TSPEAR: variants seen among roughly 807,000 people sequenced by gnomAD.
The protein encoded by TSPEAR is thrombospondin-type laminin G domain and EAR repeat-containing protein.
TSPEAR carries 69 observed loss-of-function variants against 71.6 expected under a neutral mutation model. The ratio of observed to expected loss-of-function variants is 0.96; its 90% CI spans 0.79 to 1.18. The LOEUF is 1.18. Among genes scored for constraint, TSPEAR ranks in the 50% most tolerant of loss-of-function variants. TSPEAR has a pLI of 0.00. For missense variants in TSPEAR, 971 were observed against 894.9 expected, an observed-to-expected ratio of 1.09 and a Z score of -1.09; for synonymous variants, 402 against 387.2, an observed-to-expected ratio of 1.04 and a Z score of -0.45.
In TSPEAR at chr21:44,567,986, G is replaced by A. The variant is rs1237164123; in HGVS notation, c.102C>T (p.Ile34=). ...EPCTDLRPLD[I]LAEVVPSDGA... The stretch of plus-strand genomic sequence containing the variant: ...CATCAGAAGGGACCACTTCCGCCAG[G>A]ATGTCCAGGGGGCGCAGGTCTGTGG... The change falls in exon 2 of 12, where the codon ATC becomes ATT. Residue 34 remains isoleucine (I), a synonymous_variant. Transcript: ENST00000323084. 3.2e-6 allele frequency: 5 copies of A among 1,547,432 alleles called. No homozygotes were observed. Among genetic ancestry groups the A allele is most frequent in the Non-Finnish European group, 4.4e-6 (5 of 1,141,982 alleles).
At position 44,642,614 on chromosome 21, in the gene TSPEAR, C is replaced by T. The variant is rs587725810; in HGVS notation, c.82+68819G>A. 5.8e-4 allele frequency among the ~76,000 whole-genome samples: 88 copies of T among 152,216 alleles called. 1 individual carries two copies. The highest frequency in any genetic ancestry group is 1.9e-3 in the African/African-American group (80 of 41,526). ...ATCCCAGCACTTTGAGAGGCCGAGGCAGGCAGATCACGAGGTCAGGAGATC... is the reference window on the plus strand; with the variant it reads ...ATCCCAGCACTTTGAGAGGCCGAGGTAGGCAGATCACGAGGTCAGGAGATC... On this transcript the variant is annotated intron_variant, in intron 1 of 11. Coordinates refer to ENST00000323084, the MANE Select transcript of TSPEAR (RefSeq NM_144991.3). This position sits in a 1 kb window ranked among gnomAD's most constrained non-coding sequence, Gnocchi z 4.1.
rs1555911703 is a variant in TSPEAR, at chr21:44,504,897, G to A, written c.1755-16C>T. 6.3e-7 allele frequency: 1 copy of A among 1,593,796 alleles called. No homozygotes were observed. On this transcript the variant is annotated splice_polypyrimidine_tract_variant and intron_variant, in intron 10 of 11. Transcript: ENST00000323084. Reference sequence around the variant, plus strand: ...GTCCAGAGCACTGCAGGAACAAGTGGGTGGATATTAGGACACAACAGACAT... The same window carrying A: ...GTCCAGAGCACTGCAGGAACAAGTGAGTGGATATTAGGACACAACAGACAT...
chr21:44,545,748 G>A (rs1555917691), intron 2 of TSPEAR, among the ~76,000 whole-genome samples: 1 of 152,044 alleles, frequency 6.6e-6, no homozygotes, highest in East Asian at 1.9e-4. Flanking sequence ...CTTATGAGAT[G>A]CAGTGAAAGC....
intron 2 of TSPEAR, among the ~76,000 whole-genome samples, chr21:44,537,208 T>C (rs2053103856): frequency 6.6e-6 from 1 of 151,764 alleles, no homozygotes; most frequent in South Asian, 2.1e-4. Context: ...CCAACGTTTT[T>C]AGAAAATAAG....
chr21:44,589,177 A>G (rs170851), intron 1 of TSPEAR, among the ~76,000 whole-genome samples: 126,994 of 152,204 alleles, frequency 0.83, 53,218 homozygotes, highest in Non-Finnish European at 0.87. Context: ...TAAAAAATAA[A>G]AAACCAAAAT....
chr21:44,536,541 G>C (rs1292235181), intron 2 of TSPEAR, among the ~76,000 whole-genome samples: 2 of 152,150 alleles, frequency 1.3e-5, no homozygotes, highest in Non-Finnish European at 2.9e-5. Flanking sequence ...AGAAAGACTT[G>C]GTTTAAAAAT....
At chr21:44,649,786 C>T (rs74730663) in intron 1 of TSPEAR, among the ~76,000 whole-genome samples, 1,595 of 152,314 alleles carry the variant, frequency 0.01, 20 homozygotes, top group Middle Eastern at 0.041. Context: ...TGAAGAGGCC[C>T]AGCCACGCGG....
intron 5 of TSPEAR, 51 bp downstream of exon 5, chr21:44,529,744 GCCA>G: frequency 6.2e-7 from 1 of 1,601,700 alleles, no homozygotes; most frequent in South Asian, 1.1e-5. Flanking sequence ...CTGGTGTGAG[GCCA>G]GGGCTCTCGC....
In TSPEAR at chr21:44,531,094, T is replaced by C. The variant is rs781985435; in HGVS notation, c.582A>G (p.Lys194=). Residue 194 remains lysine, a synonymous_variant, in exon 4 of 12, where the codon AAA becomes AAG. Coordinates refer to ENST00000323084, the MANE Select transcript of TSPEAR (RefSeq NM_144991.3). ...GGCTGCCGACGAAGAATCGAGCTCCTTTCACTGACAGGGTGGCTGGGAAGG... is the reference window on the plus strand; with the variant it reads ...GGCTGCCGACGAAGAATCGAGCTCCCTTCACTGACAGGGTGGCTGGGAAGG... The part of the protein sequence containing the change: ...DVPFPATLSV[K]GARFFVGSRR... 2 of 1,613,810 alleles carry C rather than the reference T, an allele frequency of 1.2e-6. No homozygotes were observed. Among genetic ancestry groups the C allele is most frequent in the African/African-American group, 1.3e-5 (1 of 75,038 alleles).
Position 44,612,084 on chromosome 21 carries a change from C to T in TSPEAR, c.83-44079G>A. The T allele has an allele frequency of 1.2e-6, 2 of 1,607,796 alleles. No individual in the cohort carries two copies. Among genetic ancestry groups the T allele is most frequent in the Non-Finnish European group, 1.7e-6 (2 of 1,175,738 alleles). ...CACCTCACACCAGCACTCACACCAC[C>T]CAGTCCAGCACCCACCATGGCTGAC... is the stretch of plus-strand genomic sequence containing the variant. On this transcript the variant is annotated intron_variant, in intron 1 of 11. Coordinates refer to ENST00000323084, the MANE Select transcript of TSPEAR (RefSeq NM_144991.3). This position sits in a 1 kb window ranked among gnomAD's most constrained non-coding sequence, Gnocchi z 4.1.
At chr21:44,521,317 G>C (rs375174415) in intron 9 of TSPEAR, among the ~76,000 whole-genome samples, 1 of 152,202 alleles carries the variant, frequency 6.6e-6, no homozygotes, top group African/African-American at 2.4e-5. Context: ...CAGGCAGCAC[G>C]CTGTCCCTGC....
At chr21:44,694,326 T>C (rs1233373314) in intron 1 of TSPEAR, among the ~76,000 whole-genome samples, 5 of 152,190 alleles carry the variant, frequency 3.3e-5, no homozygotes, top group African/African-American at 1.2e-4. Flanking sequence ...AAACAAATAT[T>C]GTTTGATTCC....
chr21:44,517,856 C>T lies in TSPEAR; in HGVS notation c.1566+4027G>A, dbSNP rs782761246. 4.2e-5 allele frequency: 20 copies of T among 471,012 alleles called. 1 individual carries two copies. Among genetic ancestry groups the T allele is most frequent in the South Asian group, 2.3e-4 (15 of 64,570 alleles). 29.2% of individuals were successfully genotyped at this position (471,012 alleles called of 1,614,324 possible). A position where few individuals can be genotyped will look rare whatever the true frequency, so the allele number is the denominator to read the frequency against. ...TGAAGGTAACTTTCCTTTGCTCTCG[C>T]GCTCCTTGGGCTCAGCGCCCTTTCA... On this transcript the variant is annotated intron_variant, in intron 9 of 11. Coordinates refer to ENST00000323084, the MANE Select transcript of TSPEAR (RefSeq NM_144991.3).
chr21:44,685,812 A>T (rs1365161255), intron 1 of TSPEAR, among the ~76,000 whole-genome samples: 6 of 152,208 alleles, frequency 3.9e-5, no homozygotes, highest in Non-Finnish European at 1.5e-5. Context: ...GCACCTCTGC[A>T]GTGGTGCAGA....
At chr21:44,618,936 A>C (rs2146189119) in intron 1 of TSPEAR, among the ~76,000 whole-genome samples, 1 of 152,340 alleles carries the variant, frequency 6.6e-6, no homozygotes, top group South Asian at 2.1e-4. Flanking sequence ...TTGAGGAATA[A>C]GGGAGTTAGA....
chr21:44,521,801 CCCA>C, intron 9 of TSPEAR, 79 bp downstream of exon 9: 24 of 1,343,778 alleles, frequency 1.8e-5, no homozygotes, highest in Admixed American at 9.1e-5. Flanking sequence ...GGACCCCCAG[CCCA>C]CATCACCTGT....
At chr21:44,701,209 G>C (rs1987632103) in intron 1 of TSPEAR, among the ~76,000 whole-genome samples, 1 of 152,216 alleles carries the variant, frequency 6.6e-6, no homozygotes, top group South Asian at 2.1e-4. Context: ...GGTCGGGCCG[G>C]GGTGCCCAGA....
rs368030374 is a variant in TSPEAR, at chr21:44,580,570, C to T, written c.83-12565G>A. ...CGCTGGAGCAGACGGACATGGTGCACGCGGCCATGCTGGGGTGGGGAAGAC... is the reference window on the plus strand; with the variant it reads ...CGCTGGAGCAGACGGACATGGTGCATGCGGCCATGCTGGGGTGGGGAAGAC... On this transcript the variant is annotated intron_variant, in intron 1 of 11. Coordinates refer to ENST00000323084, the MANE Select transcript of TSPEAR (RefSeq NM_144991.3). The T allele has an allele frequency of 3.6e-5, 58 of 1,609,598 alleles. No homozygotes were observed. In the African/African-American group the frequency reaches 5.6e-4, roughly 16 times the overall value.
At chr21:44,522,468 C>T (rs73233035) in intron 8 of TSPEAR, among the ~76,000 whole-genome samples, 112 of 152,360 alleles carry the variant, frequency 7.4e-4, no homozygotes, top group Non-Finnish European at 1.1e-3. Context: ...GGCCTTCCCA[C>T]GCACTGCCAC....
Sources: gnomAD v4.1 joint callset for allele counts (sites outside exome capture counted in the v4.1 genomes callset) on GRCh38, gnomAD v4.1.1 for gene constraint, Gnocchi (gnomAD v3.1) non-coding constraint, MANE v1.5 for transcripts, NCBI Gene and HGNC (gene_info 2026-07-23, HGNC 2026-07-21) for gene names.